Variants in WNT9A observed in about 807,000 individuals in gnomAD.
WNT9A encodes protein Wnt-9a.
WNT9A carries 8 observed loss-of-function variants against 31.4 expected under a neutral mutation model. The ratio of observed to expected loss-of-function variants is 0.26; its 90% confidence interval spans 0.15 to 0.46. The LOEUF (loss-of-function observed/expected upper bound fraction) is 0.46. Ranked by LOEUF, WNT9A falls within the 20% of genes least tolerant of loss-of-function variation. WNT9A has a pLI of 0.99. For missense variants in WNT9A, 457 were observed against 522.9 expected, an observed-to-expected ratio of 0.87 and a Z score of 1.23; for synonymous variants, 236 against 220.1, an observed-to-expected ratio of 1.07 and a Z score of -0.64.
At chr1:227,930,902 TC>T (rs1200414388) in intron 1 of WNT9A, among the ~76,000 whole-genome samples, 1 of 150,822 alleles carries the variant, frequency 6.6e-6, no homozygotes, top group African/African-American at 2.4e-5. Context: ...ACGCCTGTAA[TC>T]CCAGCTACTC....
rs1666450334 is a variant in WNT9A at position 227,928,109 on chromosome 1, G to A, written c.96-2590C>T. Reference sequence around the variant, plus strand: ...GCCTTGCCCACACTGGTCAGTGTGAGGCCCGAGCACGCCGGGGCACTGAGA... The same window carrying A: ...GCCTTGCCCACACTGGTCAGTGTGAAGCCCGAGCACGCCGGGGCACTGAGA... On this transcript the variant is annotated intron_variant, in intron 1 of 3. Coordinates refer to ENST00000272164, the MANE Select transcript of WNT9A (RefSeq NM_003395.4). This position sits in a 1 kb window ranked among gnomAD's most constrained non-coding sequence, Gnocchi z 4.5. Among the ~76,000 whole-genome samples, 1 of 152,120 alleles carries A rather than the reference G, an allele frequency of 6.6e-6. No individual in the cohort carries two copies. The highest frequency in any genetic ancestry group is 2.4e-5 in the African/African-American group (1 of 41,408).
At chr1:227,927,567 G>T (rs1368477782) in intron 1 of WNT9A, among the ~76,000 whole-genome samples, 2 of 152,184 alleles carry the variant, frequency 1.3e-5, no homozygotes, top group African/African-American at 4.8e-5. Flanking sequence ...CTAGGGATGG[G>T]ATGTCCCAGG....
In WNT9A at chr1:227,921,411, G is replaced by A. The variant is rs1666310161; in HGVS notation, c.*107C>T. On this transcript the variant is annotated 3_prime_UTR_variant, in exon 4 of 4. Transcript: ENST00000272164. ...ACTGTGTGCAATGCCTGTACCCCAC[G>A]CAGCTGGGCTGGTCGAGCCCAGGAA... 8 of 1,500,554 alleles carry A rather than the reference G, an allele frequency of 5.3e-6. No individual in the cohort carries two copies. Among genetic ancestry groups the A allele is most frequent in the African/African-American group, 4.2e-5 (3 of 71,506 alleles). 93.0% of individuals were successfully genotyped at this position (1,500,554 alleles called of 1,614,324 possible).
At position 227,921,079 on chromosome 1, in the gene WNT9A, G is replaced by A. The variant is rs181691772; in HGVS notation, c.*439C>T. Reference sequence around the variant, plus strand: ...CTGCACAGCAGGGTTGGCCAGGCCCGGGGACTCGTCCCTTGCAGGTGTAGA... The same window carrying A: ...CTGCACAGCAGGGTTGGCCAGGCCCAGGGACTCGTCCCTTGCAGGTGTAGA... On this transcript the variant is annotated 3_prime_UTR_variant, in exon 4 of 4. Coordinates refer to ENST00000272164, the MANE Select transcript of WNT9A (RefSeq NM_003395.4). The A allele has an allele frequency of 3.7e-4, 66 of 179,200 alleles. No individual in the cohort carries two copies. The highest frequency in any genetic ancestry group is 4.4e-4 in the Non-Finnish European group (37 of 84,942). The allele number at this position is 179,200 out of a possible 1,614,324, so 11.1% of individuals were successfully genotyped here.
chr1:227,927,192 A>AC lies in WNT9A; in HGVS notation c.96-1674dup, dbSNP rs1666433627. Among the ~76,000 whole-genome samples the AC allele has an allele frequency of 4.6e-5, 7 of 152,274 alleles. No individual in the cohort carries two copies. The South Asian group carries it at 1.5e-3, about 32-fold the overall frequency. On this transcript the variant is annotated intron_variant, in intron 1 of 3. Transcript: ENST00000272164. ...TGCAACGGCCCCCATCAGTCAGTGA[A>AC]CCACCAAGAGGTGCTGCAGAGGGGG...
At chr1:227,941,895 G>A (rs989419480) in intron 1 of WNT9A, among the ~76,000 whole-genome samples, 6 of 152,086 alleles carry the variant, frequency 3.9e-5, no homozygotes, top group South Asian at 2.1e-4. Flanking sequence ...ATCAGGTGGC[G>A]CGACCGAGGC....
intron 1 of WNT9A, among the ~76,000 whole-genome samples, chr1:227,938,891 T>C (rs1425855746): frequency 6.6e-6 from 1 of 152,232 alleles, no homozygotes; most frequent in Non-Finnish European, 1.5e-5. Context: ...TAGCGGCATG[T>C]GCAGCCTGTG....
intron 3 of WNT9A, 124 bp from the exon 4 acceptor site, chr1:227,922,124 G>A: frequency 7.1e-7 from 1 of 1,415,242 alleles, no homozygotes; most frequent in Non-Finnish European, 9.3e-7. Flanking sequence ...CCTGCCGGCG[G>A]GCGTCACCAC....
chr1:227,927,875 C>G (rs544390117), intron 1 of WNT9A, among the ~76,000 whole-genome samples: 1 of 148,794 alleles, frequency 6.7e-6, no homozygotes, highest in African/African-American at 2.5e-5. Flanking sequence ...GGACAGGGGA[C>G]AGGGGGAGGG....
At chr1:227,943,643 T>C (rs556430205) in intron 1 of WNT9A, among the ~76,000 whole-genome samples, 35 of 152,226 alleles carry the variant, frequency 2.3e-4, no homozygotes, top group Admixed American at 2.1e-3. Context: ...GGCAGAAATG[T>C]AAGATGCTGC....
chr1:227,925,600 C>T lies in WNT9A; in HGVS notation c.96-81G>A. ...GCCAGGTGTCTCGGTGGCCAGGGTA[C>T]AGGGGACAGGCGTGTCCATCCGGGG... On this transcript the variant is annotated intron_variant, in intron 1 of 3. Transcript: ENST00000272164. The surrounding 1 kb of genome is among the most constrained non-coding windows in gnomAD (Gnocchi z 6.0). 7.0e-7 allele frequency: 1 copy of T among 1,437,414 alleles called. No homozygotes were observed. The highest frequency in any genetic ancestry group is 9.1e-7 in the Non-Finnish European group (1 of 1,099,376). 89.0% of individuals were successfully genotyped at this position (1,437,414 alleles called of 1,614,324 possible). A position where few individuals can be genotyped will look rare whatever the true frequency, so the allele number is the denominator to read the frequency against.
At chr1:227,927,637 G>T (rs1206085585) in intron 1 of WNT9A, among the ~76,000 whole-genome samples, 1 of 152,150 alleles carries the variant, frequency 6.6e-6, no homozygotes, top group East Asian at 1.9e-4. Flanking sequence ...AAGGCCAGGA[G>T]AGCCGCACCT....
At chr1:227,947,027 G>T (rs1054564889) in intron 1 of WNT9A, among the ~76,000 whole-genome samples, 4 of 152,234 alleles carry the variant, frequency 2.6e-5, no homozygotes, top group Admixed American at 2.6e-4. Context: ...CGCAGCGAGG[G>T]TCCCTGTAAA....
intron 3 of WNT9A, among the ~76,000 whole-genome samples, chr1:227,923,617 A>G (rs1020587789): frequency 2.0e-5 from 3 of 152,120 alleles, no homozygotes; most frequent in Non-Finnish European, 4.4e-5. Context: ...GGCCACGGAG[A>G]GGGCTGGTGG....
intron 1 of WNT9A, among the ~76,000 whole-genome samples, chr1:227,937,226 G>A (rs138324269): frequency 2.4e-4 from 37 of 152,320 alleles, no homozygotes; most frequent in Admixed American, 6.5e-4. Flanking sequence ...CTTCCTAGAG[G>A]CAGAGTGAGG....
chr1:227,924,068 G>GCCCCACC (rs1666371821), intron 3 of WNT9A, 70 bp downstream of exon 3: 1 of 46,328 alleles, frequency 2.2e-5, no homozygotes, highest in South Asian at 5.2e-4. Flanking sequence ...CCAGTCCCAC[G>GCCCCACC]CCCCACCCCC....
chr1:227,947,849 C>T lies in WNT9A; in HGVS notation c.39G>A (p.Ala13=). 3 of 1,088,850 alleles carry T rather than the reference C, an allele frequency of 2.8e-6. No individual in the cohort carries two copies. The highest frequency in any genetic ancestry group is 3.3e-6 in the Non-Finnish European group (3 of 897,338). The allele number at this position is 1,088,850 out of a possible 1,614,324, so 67.4% of individuals were successfully genotyped here. ...DGSPLARWLA[A]AFGLTLLLAA... ...CGAGCAGCAGCGTCAGCCCGAAGGC[C>T]GCGGCCAGCCAGCGCGCCAGCGGGG... The change falls in exon 1 of 4, where the codon GCG becomes GCA. Residue 13 remains alanine, a synonymous_variant. Transcript: ENST00000272164.
Position 227,926,196 on chromosome 1 carries a change from C to A in WNT9A, c.96-677G>T, listed in dbSNP as rs2102719702. Among the ~76,000 whole-genome samples the A allele has an allele frequency of 6.6e-6, 1 of 152,224 alleles. No individual in the cohort carries two copies. The highest frequency in any genetic ancestry group is 1.9e-4 in the East Asian group (1 of 5,168). ...TGGACATCCTCCTTTGCAGGACAGA[C>A]CCCAGCTAACCCATCCCCATAGGCC... On this transcript the variant is annotated intron_variant, in intron 1 of 3. Coordinates refer to ENST00000272164, the MANE Select transcript of WNT9A (RefSeq NM_003395.4). This position sits in a 1 kb window ranked among gnomAD's most constrained non-coding sequence, Gnocchi z 5.0.
At chr1:227,929,716 C>G (rs1049535863) in intron 1 of WNT9A, among the ~76,000 whole-genome samples, 4 of 152,182 alleles carry the variant, frequency 2.6e-5, no homozygotes, top group African/African-American at 9.7e-5. Context: ...TGCCTGTGGT[C>G]CCAGCTACTC....
Sources: allele counts gnomAD v4.1 joint callset (sites outside exome capture counted in the v4.1 genomes callset), GRCh38; gene constraint gnomAD v4.1.1; non-coding constraint Gnocchi (gnomAD v3.1); transcripts MANE v1.5; gene names NCBI Gene and HGNC (gene_info 2026-07-23, HGNC 2026-07-21).